The following KCNU1 variants were observed in gnomAD, a reference collection of about 807,000 sequenced individuals.
KCNU1 encodes potassium calcium-activated channel subfamily U member 1.
Under a neutral mutation model 126.8 loss-of-function variants are expected in KCNU1, and 93 were observed. That is an observed-to-expected ratio of 0.73 (90% CI 0.62 to 0.87). The LOEUF is 0.87. Among genes scored for constraint, KCNU1 ranks in the 40% least tolerant of loss-of-function variants. The pLI, the probability that KCNU1 is intolerant of heterozygous loss-of-function variation, is 0.00. For missense variants in KCNU1, 1,330 were observed against 1,367.1 expected (o/e 0.97, Z 0.43); for synonymous variants, 523 against 494.2 (o/e 1.06, Z -0.77).
intron 18 of KCNU1, among the ~76,000 whole-genome samples, chr8:36,857,125 T>G (rs1039914528): frequency 6.6e-6 from 1 of 152,210 alleles, no homozygotes; most frequent in Admixed American, 6.5e-5. Flanking sequence ...GACACACCTG[T>G]TTTATGAGTA....
intron 7 of KCNU1, among the ~76,000 whole-genome samples, chr8:36,812,316 G>A (rs1275798658): frequency 6.7e-6 from 1 of 150,244 alleles, no homozygotes; most frequent in Non-Finnish European, 1.5e-5. Context: ...GGAGGTGGAG[G>A]TTGCAGTGGG....
intron 7 of KCNU1, among the ~76,000 whole-genome samples, chr8:36,809,886 T>C (rs1390178147): frequency 6.6e-6 from 1 of 152,224 alleles, no homozygotes; most frequent in African/African-American, 2.4e-5. Context: ...TTTTCACTTT[T>C]TGTTTGCTAT....
At position 36,817,589 on chromosome 8, in the gene KCNU1, T is replaced by A. The variant is rs368941661; in HGVS notation, c.996-61T>A. On this transcript the variant is annotated intron_variant, in intron 9 of 26. Coordinates refer to ENST00000399881, the MANE Select transcript of KCNU1 (RefSeq NM_001031836.3). ...TTTAAGCCAATTATTTATCTCTAAA[T>A]GCTGACAGGAAGGTGCTTATGTGCC... The A allele has an allele frequency of 6.3e-6, 5 of 793,920 alleles. No homozygotes were observed. The African/African-American group carries it at 6.8e-5, about 11-fold the overall frequency. The allele number at this position is 793,920 out of a possible 1,614,324, so 49.2% of individuals were successfully genotyped here.
intron 19 of KCNU1, among the ~76,000 whole-genome samples, chr8:36,890,487 C>T (rs1244921430): frequency 6.6e-6 from 1 of 151,714 alleles, no homozygotes; most frequent in Admixed American, 6.6e-5. Context: ...TTGAGGTCAA[C>T]TCCTAATTTA....
intron 19 of KCNU1, among the ~76,000 whole-genome samples, chr8:36,866,628 C>T (rs938130139): frequency 1.3e-5 from 2 of 152,042 alleles, no homozygotes; most frequent in East Asian, 3.9e-4. Context: ...TCCAAAAATC[C>T]TTGGTAAATA....
chr8:36,898,998 T>C (rs905743774), intron 19 of KCNU1, among the ~76,000 whole-genome samples: 2 of 152,084 alleles, frequency 1.3e-5, no homozygotes, highest in African/African-American at 4.8e-5. Flanking sequence ...TAAAGGGATT[T>C]AAATGAGGGT....
chr8:36,875,059 T>C (rs1806230822), intron 19 of KCNU1, among the ~76,000 whole-genome samples: 1 of 152,006 alleles, frequency 6.6e-6, no homozygotes, highest in Non-Finnish European at 1.5e-5. Flanking sequence ...ACATTTAAGG[T>C]ACCAGTGGGG....
chr8:36,810,384 T>G (rs1803668139), intron 7 of KCNU1, among the ~76,000 whole-genome samples: 1 of 152,132 alleles, frequency 6.6e-6, no homozygotes, highest in Non-Finnish European at 1.5e-5. Context: ...GATGTGAGCA[T>G]GTTTCCCTGC....
Position 36,850,688 on chromosome 8 carries a change from C to A in KCNU1, c.1891+4789C>A, listed in dbSNP as rs529543627. Among the ~76,000 whole-genome samples, 3 of 152,152 alleles carry A rather than the reference C, an allele frequency of 2.0e-5. No homozygotes were observed. The South Asian group carries it at 6.2e-4, about 32-fold the overall frequency. The stretch of plus-strand genomic sequence containing the variant: ...CTCAGTCTGTTCTCGAGCTCCTAGG[C>A]TTAAGTGAGCCACCTGCCTCAATCT... On this transcript the variant is annotated intron_variant, in intron 18 of 26. Transcript: ENST00000399881.
chr8:36,818,624 C>G (rs891535398), intron 10 of KCNU1, among the ~76,000 whole-genome samples: 3 of 152,154 alleles, frequency 2.0e-5, no homozygotes, highest in Non-Finnish European at 4.4e-5. Flanking sequence ...TTACTTTTCT[C>G]AAATGATTCA....
chr8:36,844,712 A>G (rs1363092350), intron 16 of KCNU1, among the ~76,000 whole-genome samples: 4 of 152,250 alleles, frequency 2.6e-5, no homozygotes, highest in Non-Finnish European at 5.9e-5. Context: ...AAGCTTTGCC[A>G]GAATTAAAAC....
intron 13 of KCNU1, 64 bp downstream of exon 13, chr8:36,836,429 A>G (rs946133375): frequency 1.1e-5 from 12 of 1,117,770 alleles, no homozygotes; most frequent in Non-Finnish European, 1.3e-5. Flanking sequence ...CGAACTTTTT[A>G]ATTTTCTAAT....
intron 1 of KCNU1, 58 bp downstream of exon 1, chr8:36,784,663 T>C: frequency 7.5e-7 from 1 of 1,325,352 alleles, no homozygotes; most frequent in South Asian, 1.4e-5. Flanking sequence ...TTGGGGTAGT[T>C]TTGTGTTTAG....
chr8:36,800,834 T>C (rs1803276769), intron 2 of KCNU1, among the ~76,000 whole-genome samples: 1 of 152,172 alleles, frequency 6.6e-6, no homozygotes, highest in Admixed American at 6.5e-5. Context: ...AGGAAAGTGT[T>C]ATTGGAAGGA....
chr8:36,933,082 C>T, intron 26 of KCNU1, 50 bp downstream of exon 26: 1 of 1,115,494 alleles, frequency 9.0e-7, no homozygotes, highest in Non-Finnish European at 1.3e-6. Flanking sequence ...AGCATAAGAA[C>T]CAAAGCTACT....
chr8:36,862,646 G>A (rs950693173), intron 18 of KCNU1, among the ~76,000 whole-genome samples: 1 of 152,142 alleles, frequency 6.6e-6, no homozygotes, highest in African/African-American at 2.4e-5. Flanking sequence ...GAGGTTTTAA[G>A]AATGATTCAA....
Position 36,846,274 on chromosome 8 carries a change from G to A in KCNU1, c.1891+375G>A, listed in dbSNP as rs531999747. Reference sequence around the variant, plus strand: ...CAGACTGAAAATTCAGCCTATATCTGACCACTTGGTTGGCCACGAGGATGC... The same window carrying A: ...CAGACTGAAAATTCAGCCTATATCTAACCACTTGGTTGGCCACGAGGATGC... On this transcript the variant is annotated intron_variant, in intron 18 of 26. Coordinates refer to ENST00000399881, the MANE Select transcript of KCNU1 (RefSeq NM_001031836.3). Among the ~76,000 whole-genome samples, 40 of 152,208 alleles carry A rather than the reference G, an allele frequency of 2.6e-4. No homozygotes were observed. The South Asian group carries it at 2.7e-3, about 10-fold the overall frequency.
intron 19 of KCNU1, 150 bp downstream of exon 19, chr8:36,864,671 G>T: frequency 1.6e-6 from 1 of 607,032 alleles, no homozygotes. Flanking sequence ...TCTCCACCTT[G>T]CCCATATCAT....
chr8:36,849,234 C>T (rs1315352200), intron 18 of KCNU1, among the ~76,000 whole-genome samples: 1 of 152,094 alleles, frequency 6.6e-6, no homozygotes, highest in Non-Finnish European at 1.5e-5. Flanking sequence ...AAAAAGGATC[C>T]TATAGTTTGT....
Sources: allele counts gnomAD v4.1 joint callset (sites outside exome capture counted in the v4.1 genomes callset), GRCh38; gene constraint gnomAD v4.1.1; transcripts MANE v1.5; gene names NCBI Gene and HGNC (gene_info 2026-07-23, HGNC 2026-07-21).